PCDHGB4: variants seen among roughly 807,000 people sequenced by gnomAD.
PCDHGB4 encodes the protein protocadherin gamma-B4.
PCDHGB4 carries 38 observed loss-of-function variants against 60.5 expected under a neutral mutation model. The ratio of observed to expected loss-of-function variants is 0.63; its 90% CI spans 0.48 to 0.82. The LOEUF (loss-of-function observed/expected upper bound fraction) is 0.82. PCDHGB4 is among the 40% of genes least tolerant of loss of function. The pLI, the probability that PCDHGB4 is intolerant of heterozygous loss-of-function variation, is 0.00. For missense variants in PCDHGB4, 1,109 were observed against 1,209.6 expected, an observed-to-expected ratio of 0.92 and a Z score of 1.23; for synonymous variants, 456 against 509.7, an observed-to-expected ratio of 0.89 and a Z score of 1.42.
At chr5:141,463,526 A>G (rs989086820) in intron 1 of PCDHGB4, among the ~76,000 whole-genome samples, 1 of 131,914 alleles carries the variant, frequency 7.6e-6, no homozygotes, top group Non-Finnish European at 1.5e-5. Flanking sequence ...TCGGCTTACT[A>G]GAAACTCCGG....
rs1427934561 is a variant in PCDHGB4, at chr5:141,511,140, CAAG to C, written c.2746_2748del (p.Lys916del). The stretch of plus-strand genomic sequence containing the variant: ...AGGCCCCAGCAGGTGGCAATGGCAA[CAAG>C]AAGAAGTCGGGCAAGAAGGAGAAGA... On this transcript the variant is annotated inframe_deletion, in exon 4 of 4. Coordinates refer to ENST00000519479, the MANE Select transcript of PCDHGB4 (RefSeq NM_003736.4). 9 of 1,614,186 alleles carry C rather than the reference CAAG, an allele frequency of 5.6e-6. No individual in the cohort carries two copies. The East Asian group carries it at 6.7e-5, about 12-fold the overall frequency.
intron 2 of PCDHGB4, among the ~76,000 whole-genome samples, chr5:141,498,604 C>G (rs1445417630): frequency 6.6e-6 from 1 of 152,122 alleles, no homozygotes; most frequent in East Asian, 1.9e-4. Flanking sequence ...GGTTCAAGTT[C>G]AAGTCAGCAC....
Position 141,432,593 on chromosome 5 carries a change from A to G in PCDHGB4, c.2397+42312A>G, listed in dbSNP as rs2097518945. ...GCTGTCCTACCGTCTGCTCAAGGCC[A>G]GCGAGCCGGGACTCTTCTCGGTGGG... On this transcript the variant is annotated intron_variant, in intron 1 of 3. Transcript: ENST00000519479. The surrounding 1 kb of genome is among the most constrained non-coding windows in gnomAD (Gnocchi z 6.0). 6.2e-7 allele frequency: 1 copy of G among 1,612,958 alleles called. No individual in the cohort carries two copies. Among genetic ancestry groups the G allele is most frequent in the Non-Finnish European group, 8.5e-7 (1 of 1,179,834 alleles).
Position 141,432,694 on chromosome 5 carries a change from C to A in PCDHGB4, c.2397+42413C>A. 1 of 1,613,936 alleles carries A rather than the reference C, an allele frequency of 6.2e-7. No homozygotes were observed. The highest frequency in any genetic ancestry group is 8.5e-7 in the Non-Finnish European group (1 of 1,179,964). On this transcript the variant is annotated intron_variant, in intron 1 of 3. Transcript: ENST00000519479. This position sits in a 1 kb window ranked among gnomAD's most constrained non-coding sequence, Gnocchi z 6.0. Reference sequence around the variant, plus strand: ...CGCTCAAGCAGAGCCTCGTAGTGGCCGTCCAGGACCACGGCCAGCCCCCTC... The same window carrying A: ...CGCTCAAGCAGAGCCTCGTAGTGGCAGTCCAGGACCACGGCCAGCCCCCTC...
intron 1 of PCDHGB4, chr5:141,392,967 C>A (rs1442170331): frequency 1.2e-6 from 2 of 1,613,766 alleles, no homozygotes; most frequent in African/African-American, 2.7e-5. Context: ...CTCCAAGGAC[C>A]TGGGGCTGGA....
intron 1 of PCDHGB4, chr5:141,403,053 C>A: frequency 6.2e-7 from 1 of 1,614,076 alleles, no homozygotes; most frequent in Non-Finnish European, 8.5e-7. Context: ...ATTCGCTACT[C>A]AGTGCCTGAA....
At chr5:141,455,103 C>T (rs1319698016) in intron 1 of PCDHGB4, among the ~76,000 whole-genome samples, 1 of 151,862 alleles carries the variant, frequency 6.6e-6, no homozygotes, top group South Asian at 2.1e-4. Flanking sequence ...TGAGCCACTG[C>T]GCCCGGTGGG....
intron 1 of PCDHGB4, chr5:141,421,236 TCGGCTACAG>T (rs761399164): frequency 3.8e-5 from 60 of 1,594,916 alleles, no homozygotes; most frequent in Non-Finnish European, 5.1e-5. Flanking sequence ...CCATGGCGAA[TCGGCTACAG>T]CGCGGGGACC....
At chr5:141,449,328 C>G (rs1340432771) in intron 1 of PCDHGB4, among the ~76,000 whole-genome samples, 1 of 151,866 alleles carries the variant, frequency 6.6e-6, no homozygotes, top group African/African-American at 2.4e-5. Flanking sequence ...ATCTGTAGGC[C>G]AGGTGCAGTG....
At chr5:141,402,827 G>C in intron 1 of PCDHGB4, 10 of 1,330,136 alleles carry the variant, frequency 7.5e-6, no homozygotes, top group Non-Finnish European at 9.9e-6. Context: ...CTGCTCCCAG[G>C]CTGCAGCAAA....
At chr5:141,420,076 TC>T (rs2096464805) in intron 1 of PCDHGB4, 2 of 1,613,956 alleles carry the variant, frequency 1.2e-6, no homozygotes, top group East Asian at 2.2e-5. Flanking sequence ...GACCTGTGGG[TC>T]CCCCCAACTA....
chr5:141,438,591 CATATATATATAT>C lies in PCDHGB4; in HGVS notation c.2397+48344_2397+48355del, dbSNP rs946798767. ...TCTGATATACATACATACATACATACATATATATATATATATATATATATATATATATATATA... is the reference window on the plus strand; with the variant it reads ...TCTGATATACATACATACATACATACATATATATATATATATATATATATA... On this transcript the variant is annotated intron_variant, in intron 1 of 3. Coordinates refer to ENST00000519479, the MANE Select transcript of PCDHGB4 (RefSeq NM_003736.4). Among the ~76,000 whole-genome samples the C allele has an allele frequency of 1.5e-4, 11 of 75,568 alleles. No homozygotes were observed. The East Asian group carries it at 2.8e-3, about 19-fold the overall frequency. The allele number at this position is 75,568 out of a possible 152,430, so 49.6% of individuals were successfully genotyped here.
chr5:141,465,858 C>T (rs2099110865), intron 1 of PCDHGB4, among the ~76,000 whole-genome samples: 1 of 152,034 alleles, frequency 6.6e-6, no homozygotes, highest in African/African-American at 2.4e-5. Context: ...CCCAGTGGCT[C>T]ATGCCTGTAA....
intron 1 of PCDHGB4, chr5:141,393,751 C>A (rs1159377259): frequency 6.2e-7 from 1 of 1,613,846 alleles, no homozygotes; most frequent in Non-Finnish European, 8.5e-7. Flanking sequence ...GAAGAATGTT[C>A]ATTTTATGAA....
chr5:141,458,386 G>T (rs1037969327), intron 1 of PCDHGB4, among the ~76,000 whole-genome samples: 2 of 152,070 alleles, frequency 1.3e-5, no homozygotes, highest in African/African-American at 2.4e-5. Flanking sequence ...GAAGGAAGAC[G>T]CTCCCCCTTG....
chr5:141,483,648 T>TTG (rs111458813), intron 1 of PCDHGB4, among the ~76,000 whole-genome samples: 1,883 of 149,700 alleles, frequency 0.013, 19 homozygotes, highest in African/African-American at 0.023. Flanking sequence ...GGGTGTGTGT[T>TTG]TGTGTGTGTG....
chr5:141,438,627 T>TAC (rs2098030812), intron 1 of PCDHGB4, among the ~76,000 whole-genome samples: 3 of 48,012 alleles, frequency 6.2e-5, no homozygotes, highest in Non-Finnish European at 1.0e-4. Flanking sequence ...TATATATATA[T>TAC]ATATATATAC....
At chr5:141,456,312 G>A (rs1036961015) in intron 1 of PCDHGB4, among the ~76,000 whole-genome samples, 2 of 152,126 alleles carry the variant, frequency 1.3e-5, no homozygotes, top group African/African-American at 4.8e-5. Flanking sequence ...AGCAGCTAGG[G>A]CTCCTCCTGG....
Position 141,511,451 on chromosome 5 carries a change from A to G in PCDHGB4, c.*278A>G, listed in dbSNP as rs2099883797. On this transcript the variant is annotated 3_prime_UTR_variant, in exon 4 of 4. Coordinates refer to ENST00000519479, the MANE Select transcript of PCDHGB4 (RefSeq NM_003736.4). ...GGGGTTACTGTAGACACCAAGAACC[A>G]TTTGCCACACCCCGTTTAGTTACAG... is the stretch of plus-strand genomic sequence containing the variant. The G allele has an allele frequency of 4.9e-6, 3 of 606,372 alleles. No homozygotes were observed. Among genetic ancestry groups the G allele is most frequent in the Non-Finnish European group, 8.1e-6 (3 of 368,942 alleles). The allele number at this position is 606,372 out of a possible 1,614,324, so 37.6% of individuals were successfully genotyped here.
Sources: gnomAD v4.1 joint callset for allele counts (sites outside exome capture counted in the v4.1 genomes callset) on GRCh38, gnomAD v4.1.1 for gene constraint, Gnocchi (gnomAD v3.1) non-coding constraint, MANE v1.5 for transcripts, NCBI Gene and HGNC (gene_info 2026-07-23, HGNC 2026-07-21) for gene names.